Variants in SLIT2 observed in about 807,000 individuals in gnomAD.
SLIT2 encodes the protein slit homolog 2 protein.
Under a neutral mutation model 185.7 loss-of-function variants are expected in SLIT2, and 41 were observed. The ratio of observed to expected loss-of-function variants is 0.22; its 90% CI spans 0.17 to 0.29. The LOEUF (loss-of-function observed/expected upper bound fraction) is 0.29, where lower values mean the gene tolerates loss of function less well. Among genes scored for constraint, SLIT2 ranks in the 10% least tolerant of loss-of-function variants. The pLI is 1.00. For missense variants in SLIT2, 1,571 were observed against 1,909.0 expected, an observed-to-expected ratio of 0.82 and a Z score of 3.30; for synonymous variants, 693 against 680.2, an observed-to-expected ratio of 1.02 and a Z score of -0.29.
intron 15 of SLIT2, among the ~76,000 whole-genome samples, chr4:20,525,450 C>T (rs1721204308): frequency 6.6e-6 from 1 of 152,068 alleles, no homozygotes; most frequent in Non-Finnish European, 1.5e-5. Flanking sequence ...ATGTTTGAAG[C>T]TATGGCTTTC....
chr4:20,494,624 C>CA (rs1194430970), intron 9 of SLIT2, among the ~76,000 whole-genome samples: 13 of 151,714 alleles, frequency 8.6e-5, no homozygotes, highest in African/African-American at 3.1e-4. Flanking sequence ...AAAAATACAA[C>CA]AAAAATTAGC....
At chr4:20,422,546 C>T (rs1728243512) in intron 4 of SLIT2, among the ~76,000 whole-genome samples, 1 of 152,140 alleles carries the variant, frequency 6.6e-6, no homozygotes, top group South Asian at 2.1e-4. Flanking sequence ...TTCCAGGAAG[C>T]TTACATCCTA....
At chr4:20,310,561 C>T (rs987685071) in intron 4 of SLIT2, among the ~76,000 whole-genome samples, 10 of 152,172 alleles carry the variant, frequency 6.6e-5, no homozygotes, top group Admixed American at 1.3e-4. Context: ...TGTTCAGCAT[C>T]GTCCCAGATT....
chr4:20,286,462 TTATC>T (rs1715275349), intron 4 of SLIT2, among the ~76,000 whole-genome samples: 2 of 152,134 alleles, frequency 1.3e-5, no homozygotes, highest in African/African-American at 4.8e-5. Flanking sequence ...CTGTATTTCT[TTATC>T]TATACAGTCC....
chr4:20,484,300 G>A lies in SLIT2; in HGVS notation c.540-1900G>A, dbSNP rs1716989675. Among the ~76,000 whole-genome samples, 1 of 152,054 alleles carries A rather than the reference G, an allele frequency of 6.6e-6. No homozygotes were observed. The highest frequency in any genetic ancestry group is 1.9e-4 in the East Asian group (1 of 5,190). On this transcript the variant is annotated intron_variant, in intron 6 of 36. Transcript: ENST00000504154. The surrounding 1 kb of genome is among the most constrained non-coding windows in gnomAD (Gnocchi z 4.3). The stretch of plus-strand genomic sequence containing the variant: ...ATTTGAAAGCAAATCCCATTGAGAA[G>A]TTTAACCTTTGCATTCAAACATCAG...
At chr4:20,500,865 T>C (rs1246264993) in intron 9 of SLIT2, among the ~76,000 whole-genome samples, 1 of 152,198 alleles carries the variant, frequency 6.6e-6, no homozygotes, top group African/African-American at 2.4e-5. Context: ...ACTACATATG[T>C]ATCTCCTATG....
chr4:20,286,198 A>G (rs1715252083), intron 4 of SLIT2, among the ~76,000 whole-genome samples: 1 of 152,188 alleles, frequency 6.6e-6, no homozygotes, highest in Non-Finnish European at 1.5e-5. Context: ...TGTAATCCTC[A>G]TGGTAATCTC....
intron 21 of SLIT2, among the ~76,000 whole-genome samples, chr4:20,545,702 T>C (rs1723187581): frequency 6.6e-6 from 1 of 152,040 alleles, no homozygotes; most frequent in Non-Finnish European, 1.5e-5. Context: ...AGTTAATGAA[T>C]TTCATGGTAT....
chr4:20,307,156 CTCCCTCCTTCCT>C (rs1232280270), intron 4 of SLIT2, among the ~76,000 whole-genome samples: 377 of 15,466 alleles, frequency 0.024, 9 homozygotes, highest in African/African-American at 0.058. Flanking sequence ...CCCTCCCTCC[CTCCCTCCTTCCT>C]TCCTTCCTTC....
intron 4 of SLIT2, among the ~76,000 whole-genome samples, chr4:20,291,469 TATATATATATATATATATA>T (rs1715834017): frequency 1.2e-4 from 1 of 8,550 alleles, no homozygotes; most frequent in Non-Finnish European, 3.5e-4. Context: ...TATATATATA[TATATATATATATATATATA>T]TATATTTTTT....
At chr4:20,554,795 C>A (rs1724100630) in intron 26 of SLIT2, among the ~76,000 whole-genome samples, 1 of 151,742 alleles carries the variant, frequency 6.6e-6, no homozygotes, top group East Asian at 1.9e-4. Flanking sequence ...ACAGAGTTTC[C>A]CTCTGTAGCC....
rs184243882 is a variant in SLIT2 at position 20,510,760 on chromosome 4, A to G, written c.986+194A>G. ...ACTATGTAATTTTTAAAGGTCTGTA[A>G]TTTAGCATATTGATTCATACAAATG... On this transcript the variant is annotated intron_variant, in intron 10 of 36. Coordinates refer to ENST00000504154, the MANE Select transcript of SLIT2 (RefSeq NM_004787.4). Among the ~76,000 whole-genome samples the G allele has an allele frequency of 2.6e-3, 389 of 152,308 alleles. 3 individuals are homozygous for G. The highest frequency in any genetic ancestry group is 6.8e-3 in the Middle Eastern group (2 of 294).
chr4:20,415,144 G>T (rs1181520703), intron 4 of SLIT2, among the ~76,000 whole-genome samples: 1 of 152,276 alleles, frequency 6.6e-6, no homozygotes, highest in African/African-American at 2.4e-5. Context: ...GTGCGCGGTG[G>T]CCCGCGCCTG....
chr4:20,481,684 C>A (rs1716716520), intron 6 of SLIT2, among the ~76,000 whole-genome samples: 1 of 151,556 alleles, frequency 6.6e-6, no homozygotes, highest in Admixed American at 6.6e-5. Context: ...CTTCCTTTTC[C>A]CCACAAAAAA....
Position 20,542,489 on chromosome 4 carries a change from T to C in SLIT2, c.2144-5T>C, listed in dbSNP as rs770796598. The C allele has an allele frequency of 1.9e-6, 3 of 1,613,136 alleles. No homozygotes were observed. Among genetic ancestry groups the C allele is most frequent in the African/African-American group, 1.3e-5 (1 of 75,020 alleles). Reference sequence around the variant, plus strand: ...TGGTTTTCCTGTATTTCCTCTGCGATTTAGGAAATGATGACAATAGTTGCT... The same window carrying C: ...TGGTTTTCCTGTATTTCCTCTGCGACTTAGGAAATGATGACAATAGTTGCT... On this transcript the variant is annotated splice_polypyrimidine_tract_variant and splice_region_variant and intron_variant, in intron 20 of 36. Coordinates refer to ENST00000504154, the MANE Select transcript of SLIT2 (RefSeq NM_004787.4).
intron 4 of SLIT2, among the ~76,000 whole-genome samples, chr4:20,439,409 C>T (rs573936046): frequency 1.3e-5 from 2 of 152,298 alleles, no homozygotes; most frequent in Admixed American, 6.5e-5. Context: ...ATGCCTCTCT[C>T]TTAGCTGCTG....
At chr4:20,270,480 G>A (rs1196625615) in intron 4 of SLIT2, among the ~76,000 whole-genome samples, 1 of 151,864 alleles carries the variant, frequency 6.6e-6, no homozygotes, top group Non-Finnish European at 1.5e-5. Flanking sequence ...TATGAAAAAA[G>A]ACTTGAAATC....
intron 18 of SLIT2, 46 bp downstream of exon 18, chr4:20,533,761 A>G: frequency 2.6e-6 from 4 of 1,564,540 alleles, no homozygotes; most frequent in Non-Finnish European, 3.5e-6. Context: ...AAAGGATTGC[A>G]GCTCATTGTT....
intron 34 of SLIT2, among the ~76,000 whole-genome samples, chr4:20,610,599 C>T (rs1161584169): frequency 6.6e-6 from 1 of 152,142 alleles, no homozygotes; most frequent in African/African-American, 2.4e-5. Flanking sequence ...AGGAGGCAAA[C>T]CCTATCAGCT....
Sources: gnomAD v4.1 joint callset for allele counts (sites outside exome capture counted in the v4.1 genomes callset) on GRCh38, gnomAD v4.1.1 for gene constraint, Gnocchi (gnomAD v3.1) non-coding constraint, MANE v1.5 for transcripts, NCBI Gene and HGNC (gene_info 2026-07-23, HGNC 2026-07-21) for gene names.